The following ADAMTSL4 variants were observed in gnomAD, a reference collection of about 807,000 sequenced individuals.
The protein encoded by ADAMTSL4 is ADAMTS like 4, also known as ADAMTS-like protein 4.
A neutral mutation model predicts 122.8 loss-of-function variants in ADAMTSL4; 97 were observed. That is an observed-to-expected ratio of 0.79 (90% CI 0.67 to 0.93). The LOEUF is 0.93. ADAMTSL4 is among the 40% of genes least tolerant of loss of function. ADAMTSL4 has a pLI of 0.00. For synonymous variants in ADAMTSL4, 592 were observed against 568.0 expected (o/e 1.04, Z -0.60); for missense variants, 1,408 against 1,453.5 (o/e 0.97, Z 0.51).
At chr1:150,558,933 C>T in intron 15 of ADAMTSL4, 29 bp from the exon 16 acceptor site, 1 of 1,580,456 alleles carries the variant, frequency 6.3e-7, no homozygotes, top group Non-Finnish European at 8.6e-7. Context: ...CAGCAGGCCC[C>T]TCACACAGGC....
In ADAMTSL4 at chr1:150,554,286, C is replaced by A; in HGVS notation, c.1132-79C>A. The A allele has an allele frequency of 6.7e-7, 1 of 1,494,604 alleles. No homozygotes were observed. Among genetic ancestry groups the A allele is most frequent in the Non-Finnish European group, 9.3e-7 (1 of 1,075,348 alleles). 92.6% of individuals were successfully genotyped at this position (1,494,604 alleles called of 1,614,324 possible). On this transcript the variant is annotated intron_variant, in intron 6 of 18. Coordinates refer to ENST00000271643, the MANE Select transcript of ADAMTSL4 (RefSeq NM_019032.6). This position sits in a 1 kb window ranked among gnomAD's most constrained non-coding sequence, Gnocchi z 4.0. ...AGCTCTTCCGCTGACCTGAGCCTCC[C>A]ACCTGCTCCCCAGGTTCAGCCCTGC...
Position 150,553,774 on chromosome 1 carries a change from GC to G in ADAMTSL4, c.789del (p.Ser264HisfsTer6), listed in dbSNP as rs765800065. The G allele has an allele frequency of 1.9e-6, 3 of 1,613,434 alleles. No individual in the cohort carries two copies. The highest frequency in any genetic ancestry group is 2.7e-5 in the African/African-American group (2 of 74,794). ...HPRAQASGTE[P>X]PSPTHSLGEG... ...CCAGAGCCCAGGCCTCTGGCACAGA[GC>G]CCCCCTCACCCACGCACTCCTTAGG... On this transcript the variant is annotated frameshift_variant, in exon 6 of 19. Transcript: ENST00000271643. LOFTEE classifies it high-confidence loss of function.
intron 2 of ADAMTSL4, chr1:150,550,759 AACCCCC>A (rs1671324067): frequency 2.2e-6 from 1 of 456,310 alleles, no homozygotes; most frequent in South Asian, 1.5e-5. Context: ...GGCCATCGGC[AACCCCC>A]ACCCCAACCC....
In ADAMTSL4 at chr1:150,559,620, G is replaced by A; in HGVS notation, c.2944-141G>A. 1 of 1,556,126 alleles carries A rather than the reference G, an allele frequency of 6.4e-7. No homozygotes were observed. The highest frequency in any genetic ancestry group is 2.3e-5 in the East Asian group (1 of 44,378). ...CTACTTCTTATAGACTTGGAGGAAA[G>A]ATGGGCCCTCTCCATTTGGGATTTC... is the stretch of plus-strand genomic sequence containing the variant. On this transcript the variant is annotated intron_variant, in intron 17 of 18. Coordinates refer to ENST00000271643, the MANE Select transcript of ADAMTSL4 (RefSeq NM_019032.6). This position sits in a 1 kb window ranked among gnomAD's most constrained non-coding sequence, Gnocchi z 4.1.
chr1:150,559,471 G>A lies in ADAMTSL4; in HGVS notation c.2943+5G>A, dbSNP rs1159230667. ...TTTTCCACGCCCTGGAGCCCAGTGA[G>A]TGTCTGGCTGCGCTGTCCTGCCCTG... is the stretch of plus-strand genomic sequence containing the variant. On this transcript the variant is annotated splice_donor_5th_base_variant and intron_variant, in intron 17 of 18. Transcript: ENST00000271643. This position sits in a 1 kb window ranked among gnomAD's most constrained non-coding sequence, Gnocchi z 4.1. The A allele has an allele frequency of 6.2e-6, 10 of 1,613,042 alleles. No individual in the cohort carries two copies. Among genetic ancestry groups the A allele is most frequent in the South Asian group, 1.1e-5 (1 of 91,088 alleles).
intron 2 of ADAMTSL4, chr1:150,550,527 G>T: frequency 2.8e-6 from 1 of 362,520 alleles, no homozygotes; most frequent in Non-Finnish European, 5.5e-6. Context: ...CGGTGGCAGA[G>T]AGAAGCAGAG....
Position 150,554,216 on chromosome 1 carries a change from G to A in ADAMTSL4, c.1131+94G>A. The A allele has an allele frequency of 6.7e-7, 1 of 1,503,014 alleles. No individual in the cohort carries two copies. The highest frequency in any genetic ancestry group is 1.1e-5 in the South Asian group (1 of 88,434). 93.1% of individuals were successfully genotyped at this position (1,503,014 alleles called of 1,614,324 possible). ...CTTCAGCTTCCGCTTGGCACCTGAG[G>A]GAGAAGGGCCTTGGCATCTGACCAC... On this transcript the variant is annotated intron_variant, in intron 6 of 18. Coordinates refer to ENST00000271643, the MANE Select transcript of ADAMTSL4 (RefSeq NM_019032.6). The surrounding 1 kb of genome is among the most constrained non-coding windows in gnomAD (Gnocchi z 4.0).
rs1295811108 is a variant in ADAMTSL4, at chr1:150,554,867, A to C, written c.1234+400A>C. The stretch of plus-strand genomic sequence containing the variant: ...ATCCGCTTCATTTTAGGCCTGTGTT[A>C]ACTTGACACCGGGATAAGCACTCAA... On this transcript the variant is annotated intron_variant, in intron 7 of 18. Coordinates refer to ENST00000271643, the MANE Select transcript of ADAMTSL4 (RefSeq NM_019032.6). This position sits in a 1 kb window ranked among gnomAD's most constrained non-coding sequence, Gnocchi z 4.0. 9 of 581,658 alleles carry C rather than the reference A, an allele frequency of 1.5e-5. No individual in the cohort carries two copies. Among genetic ancestry groups the C allele is most frequent in the Admixed American group, 1.2e-4 (4 of 33,168 alleles). The allele number at this position is 581,658 out of a possible 1,614,324, so 36.0% of individuals were successfully genotyped here.
chr1:150,549,918 A>G lies in ADAMTSL4; in HGVS notation c.-85+23A>G. 4.1e-6 allele frequency: 1 copy of G among 242,250 alleles called. No individual in the cohort carries two copies. Among genetic ancestry groups the G allele is most frequent in the Non-Finnish European group, 8.5e-6 (1 of 117,686 alleles). The allele number at this position is 242,250 out of a possible 1,614,324, so 15.0% of individuals were successfully genotyped here. ...CAGGTGGGTGCCCTTGATCCAGCTCAGCCCGATGGCAGAAGAGGTTGACAA... is the reference window on the plus strand; with the variant it reads ...CAGGTGGGTGCCCTTGATCCAGCTCGGCCCGATGGCAGAAGAGGTTGACAA... On this transcript the variant is annotated intron_variant, in intron 2 of 18. Transcript: ENST00000271643. The surrounding 1 kb of genome is among the most constrained non-coding windows in gnomAD (Gnocchi z 5.0).
chr1:150,555,718 C>T (rs745476669), intron 8 of ADAMTSL4, among the ~76,000 whole-genome samples, 153 bp downstream of exon 8: 9 of 149,304 alleles, frequency 6.0e-5, no homozygotes, highest in Non-Finnish European at 8.8e-5. Context: ...CATGCACACA[C>T]GCACACACAC....
In ADAMTSL4 at chr1:150,554,008, G is replaced by T; in HGVS notation, c.1017G>T (p.Leu339=). The part of the protein sequence containing the change: ...EPDPQHPGAW[L]PLLSNGPHAS... Reference sequence around the variant, plus strand: ...ACCCTCAGCACCCGGGCGCCTGGCTGCCCCTGCTGAGCAACGGCCCCCATG... The same window carrying T: ...ACCCTCAGCACCCGGGCGCCTGGCTTCCCCTGCTGAGCAACGGCCCCCATG... The change falls in exon 6 of 19, where the codon CTG becomes CTT. Residue 339 remains leucine, a synonymous_variant. Transcript: ENST00000271643. The surrounding 1 kb of genome is among the most constrained non-coding windows in gnomAD (Gnocchi z 4.0). 4 of 1,611,944 alleles carry T rather than the reference G, an allele frequency of 2.5e-6. No homozygotes were observed. Among genetic ancestry groups the T allele is most frequent in the Non-Finnish European group, 3.4e-6 (4 of 1,179,842 alleles).
In ADAMTSL4 at chr1:150,559,198, G is replaced by A. The variant is rs1672539337; in HGVS notation, c.2763+33G>A. ...GAGCGCCTGCTGAGAGCAGGAAGGG[G>A]GTGCCAGTCCCAGTGGGATTCCTTG... On this transcript the variant is annotated intron_variant, in intron 16 of 18. Coordinates refer to ENST00000271643, the MANE Select transcript of ADAMTSL4 (RefSeq NM_019032.6). This position sits in a 1 kb window ranked among gnomAD's most constrained non-coding sequence, Gnocchi z 4.1. The A allele has an allele frequency of 5.0e-6, 8 of 1,611,974 alleles. No homozygotes were observed. Among genetic ancestry groups the A allele is most frequent in the Non-Finnish European group, 6.8e-6 (8 of 1,179,202 alleles).
chr1:150,553,506 G>T lies in ADAMTSL4; in HGVS notation c.515G>T (p.Arg172Leu). Residue 172 changes from arginine to leucine, a missense_variant, in exon 6 of 19, where the codon CGC becomes CTC. Transcript: ENST00000271643. ...VPFALPLHRN[R>L]RHPRSPPRSE... ...TTTGCATTGCCACTGCACCGGAACCGCAGGCACCCTCGGAGCCCACCCAGA... is the reference window on the plus strand; with the variant it reads ...TTTGCATTGCCACTGCACCGGAACCTCAGGCACCCTCGGAGCCCACCCAGA... 6.2e-7 allele frequency: 1 copy of T among 1,613,826 alleles called. No individual in the cohort carries two copies. The highest frequency in any genetic ancestry group is 8.5e-7 in the Non-Finnish European group (1 of 1,179,940).
At position 150,555,522 on chromosome 1, in the gene ADAMTSL4, GTCAGCC is replaced by G; in HGVS notation, c.1330_1335del (p.Gln444_Pro445del). ...GAAAAGGTCCAGGATGGGACCCTGT[GTCAGCC>G]TGGAGCCCCTGACATCTGTGTGGCT... On this transcript the variant is annotated inframe_deletion, in exon 8 of 19. Transcript: ENST00000271643. The G allele has an allele frequency of 1.2e-6, 2 of 1,614,188 alleles. No homozygotes were observed. The highest frequency in any genetic ancestry group is 1.7e-6 in the Non-Finnish European group (2 of 1,180,036).
In ADAMTSL4 at chr1:150,556,072, G is replaced by A; in HGVS notation, c.1372-90G>A. On this transcript the variant is annotated intron_variant, in intron 8 of 18. Coordinates refer to ENST00000271643, the MANE Select transcript of ADAMTSL4 (RefSeq NM_019032.6). This position sits in a 1 kb window ranked among gnomAD's most constrained non-coding sequence, Gnocchi z 4.1. ...CTCTCACTTGTGGCACAAAAAGCAGGGTAGTGAGCTGAGGCTCCCGAGGGG... is the reference window on the plus strand; with the variant it reads ...CTCTCACTTGTGGCACAAAAAGCAGAGTAGTGAGCTGAGGCTCCCGAGGGG... The A allele has an allele frequency of 1.4e-6, 2 of 1,405,116 alleles. No individual in the cohort carries two copies. Among genetic ancestry groups the A allele is most frequent in the East Asian group, 4.6e-5 (2 of 43,578 alleles). 87.0% of individuals were successfully genotyped at this position (1,405,116 alleles called of 1,614,324 possible). A position where few individuals can be genotyped will look rare whatever the true frequency, so the allele number is the denominator to read the frequency against.
Position 150,553,522 on chromosome 1 carries a change from C to T in ADAMTSL4, c.531C>T (p.Ser177=), listed in dbSNP as rs199802790. 7.4e-5 allele frequency: 120 copies of T among 1,613,866 alleles called. 1 individual carries two copies. In the East Asian group the frequency reaches 2.6e-3, roughly 35 times the overall value. ...PLHRNRRHPR[S]PPRSELSLIS... ...ACCGGAACCGCAGGCACCCTCGGAG[C>T]CCACCCAGATCTGAGCTGTCCCTGA... The change falls in exon 6 of 19, where the codon AGC becomes AGT. Residue 177 remains serine, a synonymous_variant. Coordinates refer to ENST00000271643, the MANE Select transcript of ADAMTSL4 (RefSeq NM_019032.6).
rs1570967661 is a variant in ADAMTSL4 at position 150,560,265 on chromosome 1, A to G, written c.*69A>G. The G allele has an allele frequency of 2.5e-6, 4 of 1,594,730 alleles. No homozygotes were observed. Among genetic ancestry groups the G allele is most frequent in the African/African-American group, 1.3e-5 (1 of 74,336 alleles). On this transcript the variant is annotated 3_prime_UTR_variant, in exon 19 of 19. Transcript: ENST00000271643. Reference sequence around the variant, plus strand: ...TCACCCATTGATCGGCCCACTCTGAACCCCCTGGCTCTCCAGCCTGTCCCA... The same window carrying G: ...TCACCCATTGATCGGCCCACTCTGAGCCCCCTGGCTCTCCAGCCTGTCCCA...
At chr1:150,555,886 C>T (rs992040341) in intron 8 of ADAMTSL4, 1 of 603,046 alleles carries the variant, frequency 1.7e-6, no homozygotes, top group African/African-American at 1.8e-5. Context: ...CATGCACACA[C>T]ACGTATTTGC....
chr1:150,559,400 C>A lies in ADAMTSL4; in HGVS notation c.2877C>A (p.Pro959=). 6.2e-7 allele frequency: 1 copy of A among 1,613,740 alleles called. No individual in the cohort carries two copies. Among genetic ancestry groups the A allele is most frequent in the Non-Finnish European group, 8.5e-7 (1 of 1,180,012 alleles). The change falls in exon 17 of 19, where the codon CCC becomes CCA. Residue 959 remains proline, a synonymous_variant. Coordinates refer to ENST00000271643, the MANE Select transcript of ADAMTSL4 (RefSeq NM_019032.6). This position sits in a 1 kb window ranked among gnomAD's most constrained non-coding sequence, Gnocchi z 4.1. Reference sequence around the variant, plus strand: ...GCAACTGTTCTCACCTCCCCAGGCCCCCTGCCCTGCAGCCCTGTCAAGGGC... The same window carrying A: ...GCAACTGTTCTCACCTCCCCAGGCCACCTGCCCTGCAGCCCTGTCAAGGGC... The part of the protein sequence containing the change: ...SPSNCSHLPR[P]PALQPCQGQA...
Sources: allele counts gnomAD v4.1 joint callset (sites outside exome capture counted in the v4.1 genomes callset), GRCh38; gene constraint gnomAD v4.1.1; non-coding constraint Gnocchi (gnomAD v3.1); transcripts MANE v1.5; gene names NCBI Gene and HGNC (gene_info 2026-07-23, HGNC 2026-07-21).